The following STMN2 variants were observed in gnomAD, a reference collection of about 807,000 sequenced individuals.
STMN2 encodes stathmin-2.
In STMN2, 2 loss-of-function variants were observed where a neutral mutation model predicts 24.1. That is an observed-to-expected ratio of 0.08 (90% CI 0.03 to 0.26). The LOEUF is 0.26. Among genes scored for constraint, STMN2 ranks in the 10% least tolerant of loss-of-function variants. STMN2 has a pLI of 1.00. For missense variants in STMN2, 114 were observed against 213.6 expected (o/e 0.53, Z 2.91); for synonymous variants, 83 against 77.5 (o/e 1.07, Z -0.37).
chr8:79,649,083 T>TTAGTCACCAAACATGA (rs1450472474), intron 3 of STMN2, among the ~76,000 whole-genome samples: 1 of 152,202 alleles, frequency 6.6e-6, no homozygotes, highest in Non-Finnish European at 1.5e-5. Flanking sequence ...AAGTAGATCA[T>TTAGTCACCAAACATGA]TAGTCACCAA....
chr8:79,636,534 C>T (rs756786575), intron 1 of STMN2, among the ~76,000 whole-genome samples: 13 of 152,162 alleles, frequency 8.5e-5, no homozygotes, highest in Non-Finnish European at 1.5e-4. Flanking sequence ...TTAATTCCTT[C>T]GACCTTCCTT....
In STMN2 at chr8:79,619,177, A is replaced by G. The variant is rs145230115; in HGVS notation, c.19+7963A>G. On this transcript the variant is annotated intron_variant, in intron 1 of 4. Transcript: ENST00000220876. ...GGATGTTGGAGTTCGCACATTAACC[A>G]TTAGTACAAGTACCCAATATAACAA... Among the ~76,000 whole-genome samples, 869 of 152,224 alleles carry G rather than the reference A, an allele frequency of 5.7e-3. 11 individuals are homozygous for G. Among genetic ancestry groups the G allele is most frequent in the African/African-American group, 0.02 (835 of 41,532 alleles).
intron 1 of STMN2, among the ~76,000 whole-genome samples, chr8:79,627,098 C>T (rs1252429879): frequency 6.6e-6 from 1 of 152,084 alleles, no homozygotes; most frequent in Non-Finnish European, 1.5e-5. Context: ...TTGGCCCTTC[C>T]TATTAATATT....
At chr8:79,649,011 C>T (rs796137337) in intron 3 of STMN2, among the ~76,000 whole-genome samples, 14 of 152,248 alleles carry the variant, frequency 9.2e-5, no homozygotes, top group African/African-American at 3.4e-4. Flanking sequence ...GCATAATCAG[C>T]TTCAAAGTCA....
At chr8:79,626,972 G>A (rs1809672319) in intron 1 of STMN2, among the ~76,000 whole-genome samples, 1 of 152,042 alleles carries the variant, frequency 6.6e-6, no homozygotes, top group Non-Finnish European at 1.5e-5. Flanking sequence ...AAACCATTAA[G>A]TTTGCTTCAC....
intron 1 of STMN2, among the ~76,000 whole-genome samples, chr8:79,620,661 C>T (rs1809494252): frequency 6.6e-6 from 1 of 152,012 alleles, no homozygotes; most frequent in East Asian, 1.9e-4. Flanking sequence ...TACAATATTA[C>T]AAGATAGTAC....
At chr8:79,648,480 G>C (rs1304293516) in intron 3 of STMN2, among the ~76,000 whole-genome samples, 1 of 105,312 alleles carries the variant, frequency 9.5e-6, no homozygotes, top group Admixed American at 1.4e-4. Flanking sequence ...TTTTTGAGAC[G>C]GAGTCTCGCT....
At chr8:79,650,104 A>G (rs761184507) in intron 3 of STMN2, among the ~76,000 whole-genome samples, 2 of 152,084 alleles carry the variant, frequency 1.3e-5, no homozygotes, top group Non-Finnish European at 2.9e-5. Context: ...TCAGTTCTAT[A>G]TTTTGCCTTG....
intron 3 of STMN2, among the ~76,000 whole-genome samples, chr8:79,648,345 G>A (rs1232327701): frequency 6.6e-6 from 1 of 151,748 alleles, no homozygotes; most frequent in African/African-American, 2.4e-5. Context: ...ATGTGAAGAA[G>A]CATCCAGTTT....
At chr8:79,654,777 C>T in intron 3 of STMN2, 94 bp from the exon 4 acceptor site, 1 of 1,351,914 alleles carries the variant, frequency 7.4e-7, no homozygotes, top group Non-Finnish European at 1.0e-6. Flanking sequence ...GAGTACTATT[C>T]ATCTGAAAAG....
intron 3 of STMN2, among the ~76,000 whole-genome samples, chr8:79,649,124 G>C (rs1810280758): frequency 6.6e-6 from 1 of 152,156 alleles, no homozygotes; most frequent in Admixed American, 6.5e-5. Flanking sequence ...CCATTTGTTG[G>C]CATCTCACAT....
At position 79,665,341 on chromosome 8, in the gene STMN2, G is replaced by C. The variant is rs536108114; in HGVS notation, c.*467G>C. ...AGAAGGCTTTGTTGTCTCTGAGCTT[G>C]ACTAAGACCATACCTAGATCACAGG... On this transcript the variant is annotated 3_prime_UTR_variant, in exon 5 of 5. Coordinates refer to ENST00000220876, the MANE Select transcript of STMN2 (RefSeq NM_007029.4). 1 of 154,656 alleles carries C rather than the reference G, an allele frequency of 6.5e-6. No individual in the cohort carries two copies. The highest frequency in any genetic ancestry group is 1.9e-4 in the East Asian group (1 of 5,202). 9.6% of individuals were successfully genotyped at this position (154,656 alleles called of 1,614,324 possible). A position where few individuals can be genotyped will look rare whatever the true frequency, so the allele number is the denominator to read the frequency against.
At chr8:79,616,784 C>T (rs906464557) in intron 1 of STMN2, among the ~76,000 whole-genome samples, 1 of 152,180 alleles carries the variant, frequency 6.6e-6, no homozygotes, top group Admixed American at 6.5e-5. Flanking sequence ...CCATCACTCT[C>T]TCTTAATTGG....
chr8:79,646,612 A>C (rs1413517788), intron 3 of STMN2, among the ~76,000 whole-genome samples: 1 of 152,114 alleles, frequency 6.6e-6, no homozygotes, highest in Non-Finnish European at 1.5e-5. Flanking sequence ...TTTGAGAAAT[A>C]ACATGGAGGC....
intron 3 of STMN2, 44 bp from the exon 4 acceptor site, chr8:79,654,827 T>G (rs767479999): frequency 6.3e-7 from 1 of 1,588,180 alleles, no homozygotes; most frequent in Non-Finnish European, 8.6e-7. Flanking sequence ...TCTGCTAGGT[T>G]TGTGTTTGGA....
chr8:79,665,780 A>G lies in STMN2; in HGVS notation c.*906A>G, dbSNP rs1806585224. 6.5e-6 allele frequency: 1 copy of G among 153,158 alleles called. No individual in the cohort carries two copies. Among genetic ancestry groups the G allele is most frequent in the South Asian group, 2.1e-4 (1 of 4,868 alleles). The allele number at this position is 153,158 out of a possible 1,614,324, so 9.5% of individuals were successfully genotyped here. A position where few individuals can be genotyped will look rare whatever the true frequency, so the allele number is the denominator to read the frequency against. On this transcript the variant is annotated 3_prime_UTR_variant, in exon 5 of 5. Transcript: ENST00000220876. ...ATAGTACAAGTACATGATGCTACTG[A>G]ATATTTTTCCACTTGGAAACTGTGA...
intron 4 of STMN2, 126 bp from the exon 5 acceptor site, chr8:79,664,689 C>CTCTG: frequency 1.5e-6 from 1 of 677,246 alleles, no homozygotes; most frequent in Non-Finnish European, 2.2e-6. Context: ...CCATATTTTC[C>CTCTG]TTCTGAAATG....
At chr8:79,618,153 T>A (rs1809426754) in intron 1 of STMN2, among the ~76,000 whole-genome samples, 3 of 152,360 alleles carry the variant, frequency 2.0e-5, no homozygotes, top group Admixed American at 2.0e-4. Context: ...AGAGATGGTC[T>A]TCTCCTTTCT....
At chr8:79,638,017 T>G (rs576099770) in intron 2 of STMN2, among the ~76,000 whole-genome samples, 5 of 152,238 alleles carry the variant, frequency 3.3e-5, no homozygotes, top group Non-Finnish European at 7.3e-5. Flanking sequence ...AAACATTCAT[T>G]AGAATGCAGG....
Sources: allele counts gnomAD v4.1 joint callset (sites outside exome capture counted in the v4.1 genomes callset), GRCh38; gene constraint gnomAD v4.1.1; transcripts MANE v1.5; gene names NCBI Gene and HGNC (gene_info 2026-07-23, HGNC 2026-07-21).